XKR6: variants seen among roughly 807,000 people sequenced by gnomAD.
XKR6 encodes the protein XK related 6.
Under a neutral mutation model 56.7 loss-of-function variants are expected in XKR6, and 22 were observed. That is an observed-to-expected ratio of 0.39 (90% confidence interval 0.28 to 0.55). XKR6 has a LOEUF of 0.55. XKR6 is among the 20% of genes least tolerant of loss of function. The pLI, the probability that XKR6 is intolerant of heterozygous loss-of-function variation, is 0.66. For synonymous variants in XKR6, 524 were observed against 387.8 expected, an observed-to-expected ratio of 1.35 and a Z score of -4.13; for missense variants, 852 against 889.0, an observed-to-expected ratio of 0.96 and a Z score of 0.53.
At chr8:11,002,420 G>T (rs1167686120) in intron 1 of XKR6, 3 of 404,098 alleles carry the variant, frequency 7.4e-6, no homozygotes, top group Non-Finnish European at 1.6e-5. Flanking sequence ...GGAGGCCCGC[G>T]TGCAGCAGTA....
rs377222467 is a variant in XKR6 at position 10,960,206 on chromosome 8, G to A, written c.765-35376C>T. On this transcript the variant is annotated intron_variant, in intron 1 of 2. Transcript: ENST00000416569. ...ATAGCAGGCAGGTGCAGGTACAGCA[G>A]GTGGGTGCAGGTATAGCAGGTGGGT... 2.6e-5 allele frequency among the ~76,000 whole-genome samples: 4 copies of A among 152,028 alleles called. No individual in the cohort carries two copies. In the East Asian group the frequency reaches 5.8e-4, roughly 22 times the overall value.
chr8:10,958,707 T>G (rs1027071567), intron 1 of XKR6, among the ~76,000 whole-genome samples: 2 of 152,218 alleles, frequency 1.3e-5, no homozygotes, highest in Non-Finnish European at 2.9e-5. Flanking sequence ...CATTTTTGCC[T>G]GCAGTTTCTC....
rs528987754 is a variant in XKR6 at position 11,140,688 on chromosome 8, G to A, written c.764+59888C>T. Among the ~76,000 whole-genome samples, 27 of 152,084 alleles carry A rather than the reference G, an allele frequency of 1.8e-4. No individual in the cohort carries two copies. The South Asian group carries it at 2.3e-3, about 13-fold the overall frequency. Reference sequence around the variant, plus strand: ...TGAGGTGGGTGGGTCACGAGGTCAGGAGATCAAGACCATCCTGGCTAACAC... The same window carrying A: ...TGAGGTGGGTGGGTCACGAGGTCAGAAGATCAAGACCATCCTGGCTAACAC... On this transcript the variant is annotated intron_variant, in intron 1 of 2. Transcript: ENST00000416569.
chr8:10,972,403 G>T (rs899083125), intron 1 of XKR6, among the ~76,000 whole-genome samples: 7 of 152,180 alleles, frequency 4.6e-5, no homozygotes, highest in African/African-American at 1.7e-4. Context: ...AACTCCAAAG[G>T]CTGCTGCTTA....
At chr8:11,002,702 G>A (rs184509748) in intron 1 of XKR6, among the ~76,000 whole-genome samples, 1 of 152,388 alleles carries the variant, frequency 6.6e-6, no homozygotes, top group Admixed American at 6.5e-5. Context: ...GGTGGTGCGA[G>A]TTCAACGGCC....
At position 11,182,457 on chromosome 8, in the gene XKR6, T is replaced by C. The variant is rs563876339; in HGVS notation, c.764+18119A>G. On this transcript the variant is annotated intron_variant, in intron 1 of 2. Transcript: ENST00000416569. ...TGCTGTAGAAGTGCAAGTAATCAGTTTTAAAGTATTTTTAGGTGACATCTG... is the reference window on the plus strand; with the variant it reads ...TGCTGTAGAAGTGCAAGTAATCAGTCTTAAAGTATTTTTAGGTGACATCTG... Among the ~76,000 whole-genome samples, 6 of 152,298 alleles carry C rather than the reference T, an allele frequency of 3.9e-5. No individual in the cohort carries two copies. In the East Asian group the frequency reaches 1.2e-3, roughly 29 times the overall value.
chr8:11,056,626 C>G (rs1391601644), intron 1 of XKR6, among the ~76,000 whole-genome samples: 1 of 152,236 alleles, frequency 6.6e-6, no homozygotes, highest in Non-Finnish European at 1.5e-5. Flanking sequence ...ACTGGGGCCA[C>G]TGCGTTCTGG....
At chr8:11,125,102 A>T (rs1799703020) in intron 1 of XKR6, among the ~76,000 whole-genome samples, 1 of 150,368 alleles carries the variant, frequency 6.7e-6, no homozygotes, top group African/African-American at 2.4e-5. Flanking sequence ...AAAAAAAAAA[A>T]AGAAAAAGAA....
At chr8:11,144,159 G>T (rs1800856141) in intron 1 of XKR6, among the ~76,000 whole-genome samples, 1 of 151,680 alleles carries the variant, frequency 6.6e-6, no homozygotes, top group Admixed American at 6.6e-5. Flanking sequence ...GGGCTTGAGG[G>T]ATGCACAATT....
intron 1 of XKR6, among the ~76,000 whole-genome samples, chr8:10,990,149 C>G (rs752561811): frequency 6.6e-6 from 1 of 152,096 alleles, no homozygotes; most frequent in African/African-American, 2.4e-5. Flanking sequence ...ACTTTTGTGA[C>G]AGTCAGGTAT....
At chr8:10,938,278 C>A (rs1361188847) in intron 1 of XKR6, among the ~76,000 whole-genome samples, 4 of 152,152 alleles carry the variant, frequency 2.6e-5, no homozygotes, top group African/African-American at 4.8e-5. Context: ...GTGCGCGCAC[C>A]CACTGGCCTG....
At position 11,127,256 on chromosome 8, in the gene XKR6, G is replaced by A. The variant is rs546015981; in HGVS notation, c.764+73320C>T. Among the ~76,000 whole-genome samples, 19 of 152,318 alleles carry A rather than the reference G, an allele frequency of 1.2e-4. No homozygotes were observed. In the South Asian group the frequency reaches 3.9e-3, roughly 32 times the overall value. ...TTCTACAAGCTCTGGAGTCACACTG[G>A]TTGAGTTCAAGGCCAAGCTCTACTG... is the stretch of plus-strand genomic sequence containing the variant. On this transcript the variant is annotated intron_variant, in intron 1 of 2. Coordinates refer to ENST00000416569, the MANE Select transcript of XKR6 (RefSeq NM_173683.4).
intron 1 of XKR6, among the ~76,000 whole-genome samples, chr8:11,119,340 T>G (rs550985906): frequency 3.3e-5 from 5 of 152,146 alleles, no homozygotes; most frequent in Non-Finnish European, 4.4e-5. Flanking sequence ...TGGTGCAGAG[T>G]TGAGTTCAAT....
At chr8:11,193,529 T>C (rs1416290686) in intron 1 of XKR6, among the ~76,000 whole-genome samples, 1 of 152,220 alleles carries the variant, frequency 6.6e-6, no homozygotes, top group East Asian at 1.9e-4. Flanking sequence ...GCAAATTCCA[T>C]CTTTCCTAAA....
intron 2 of XKR6, among the ~76,000 whole-genome samples, chr8:10,903,540 C>A (rs148157751): frequency 9.0e-4 from 137 of 152,208 alleles, no homozygotes; most frequent in African/African-American, 3.3e-3. Flanking sequence ...GAAGCTCTAA[C>A]CCCTAGGACC....
intron 1 of XKR6, among the ~76,000 whole-genome samples, chr8:11,145,280 C>T (rs1362425545): frequency 1.3e-5 from 2 of 150,872 alleles, no homozygotes; most frequent in African/African-American, 4.9e-5. Flanking sequence ...AATCCAAAAA[C>T]ACTTCTGGTT....
chr8:10,959,753 C>T (rs1802005488), intron 1 of XKR6, among the ~76,000 whole-genome samples: 1 of 152,208 alleles, frequency 6.6e-6, no homozygotes, highest in African/African-American at 2.4e-5. Context: ...CTGTCCAGAG[C>T]ATCCAGTATT....
At chr8:11,153,291 G>A (rs917896881) in intron 1 of XKR6, among the ~76,000 whole-genome samples, 6 of 152,142 alleles carry the variant, frequency 3.9e-5, no homozygotes, top group Admixed American at 3.9e-4. Context: ...AGGAACTAAG[G>A]ACTCTGTTAG....
At chr8:11,075,467 A>G (rs921280688) in intron 1 of XKR6, among the ~76,000 whole-genome samples, 4 of 152,182 alleles carry the variant, frequency 2.6e-5, no homozygotes, top group African/African-American at 7.2e-5. Context: ...GGTTGATGAC[A>G]GGAAAGACTA....
Sources: allele counts gnomAD v4.1 joint callset (sites outside exome capture counted in the v4.1 genomes callset), GRCh38; gene constraint gnomAD v4.1.1; transcripts MANE v1.5; gene names NCBI Gene and HGNC (gene_info 2026-07-23, HGNC 2026-07-21).